The following MYH6 variants were observed in gnomAD, a reference collection of about 807,000 sequenced individuals.
MYH6 encodes myosin heavy chain 6.
MYH6 carries 126 observed loss-of-function variants against 223.2 expected under a neutral mutation model. That is an observed-to-expected ratio of 0.56 (90% CI 0.49 to 0.65). The LOEUF is 0.65. Ranked by LOEUF, MYH6 falls within the 30% of genes least tolerant of loss-of-function variation. The pLI is 0.00. For synonymous variants in MYH6, 978 were observed against 1,010.2 expected, an observed-to-expected ratio of 0.97 and a Z score of 0.61; for missense variants, 2,040 against 2,536.4, an observed-to-expected ratio of 0.80 and a Z score of 4.20.
chr14:23,391,190 C>G (rs1250419242), intron 25 of MYH6, among the ~76,000 whole-genome samples: 1 of 152,154 alleles, frequency 6.6e-6, no homozygotes, highest in South Asian at 2.1e-4. Context: ...AGGAGCAAAA[C>G]GGGGGTTCAG....
rs928679294 is a variant in MYH6, at chr14:23,407,615, C to G, written c.-46-7G>C. Reference sequence around the variant, plus strand: ...ACGGAGAATCCTGAAGAATCTGGACCGTGGGTGGAGCAAGGAACAACAGAG... The same window carrying G: ...ACGGAGAATCCTGAAGAATCTGGACGGTGGGTGGAGCAAGGAACAACAGAG... On this transcript the variant is annotated splice_region_variant and splice_polypyrimidine_tract_variant and intron_variant, in intron 1 of 38. Coordinates refer to ENST00000405093, the MANE Select transcript of MYH6 (RefSeq NM_002471.4). The surrounding 1 kb of genome is among the most constrained non-coding windows in gnomAD (Gnocchi z 5.6). The G allele has an allele frequency of 8.8e-6, 10 of 1,141,292 alleles. No homozygotes were observed. The highest frequency in any genetic ancestry group is 1.1e-5 in the Non-Finnish European group (10 of 920,700). The allele number at this position is 1,141,292 out of a possible 1,614,324, so 70.7% of individuals were successfully genotyped here. A position where few individuals can be genotyped will look rare whatever the true frequency, so the allele number is the denominator to read the frequency against.
chr14:23,389,812 C>A (rs1031974422), intron 26 of MYH6, 93 bp from the exon 27 acceptor site: 10 of 1,600,390 alleles, frequency 6.2e-6, no homozygotes, highest in African/African-American at 1.3e-5. Flanking sequence ...TGCCAGAGGG[C>A]AGGAGGGGGA....
rs1458111554 is a variant in MYH6 at position 23,393,794 on chromosome 14, T to C, written c.2800A>G (p.Met934Val). ...TTCTTGGCAGTGAGCTCCGCGTTCA[T>C]CTCCTCCTCATCCTCCAGCCTCTCA... ...MNERLEDEEEMNAELTAKKRK... is the reference protein window; with the variant it reads ...MNERLEDEEEVNAELTAKKRK... The change falls in exon 22 of 39, where the codon ATG becomes GTG. Residue 934 changes from methionine (M) to valine (V), a missense_variant. Met to Val is a conservative substitution (Grantham distance 21, BLOSUM62 1). This residue lies in a region of MYH6 where 1,203 missense variants were observed against 1,400.2 expected (regional missense o/e 0.86). Transcript: ENST00000405093. The C allele has an allele frequency of 3.1e-6, 5 of 1,614,114 alleles. No individual in the cohort carries two copies. Among genetic ancestry groups the C allele is most frequent in the Non-Finnish European group, 4.2e-6 (5 of 1,180,060 alleles).
intron 32 of MYH6, among the ~76,000 whole-genome samples, chr14:23,387,228 G>C (rs60867292): frequency 0.037 from 5,626 of 152,252 alleles, 304 homozygotes; most frequent in African/African-American, 0.12. Flanking sequence ...ACTCAGGCCT[G>C]TTTGACTCTG....
In MYH6 at chr14:23,400,635, G is replaced by A. The variant is rs1891570758; in HGVS notation, c.1410+74C>T. ...CCTTCCCATGTCTGGTCCACAGCTG[G>A]CTCTCAGCAAATGGCTGTTGAATGT... On this transcript the variant is annotated intron_variant, in intron 13 of 38. Transcript: ENST00000405093. 8 of 1,611,310 alleles carry A rather than the reference G, an allele frequency of 5.0e-6. No homozygotes were observed. In the South Asian group the frequency reaches 8.8e-5, roughly 18 times the overall value.
At position 23,386,434 on chromosome 14, in the gene MYH6, G is replaced by A; in HGVS notation, c.4840C>T (p.Leu1614=). The change falls in exon 33 of 39, where the codon CTG becomes TTG. Residue 1614 remains leucine, a synonymous_variant. Coordinates refer to ENST00000405093, the MANE Select transcript of MYH6 (RefSeq NM_002471.4). ...CCTTCCATCTTCTTCTTCACCCTCA[G>A]GACCTCGTTGCGGCTGCGTGTCTCT... ...DAETRSRNEV[L]RVKKKMEGDL... The A allele has an allele frequency of 6.2e-7, 1 of 1,614,200 alleles. No individual in the cohort carries two copies.
At chr14:23,384,046 C>T (rs1890940093) in intron 36 of MYH6, among the ~76,000 whole-genome samples, 1 of 152,148 alleles carries the variant, frequency 6.6e-6, no homozygotes, top group South Asian at 2.1e-4. Flanking sequence ...GGTCCTCTTT[C>T]TCTGTGGCCT....
intron 32 of MYH6, among the ~76,000 whole-genome samples, chr14:23,386,986 A>G (rs921874568): frequency 6.6e-6 from 1 of 152,218 alleles, no homozygotes; most frequent in African/African-American, 2.4e-5. Context: ...GAGAAAAGTT[A>G]GAAGCCCAGA....
Position 23,404,287 on chromosome 14 carries a change from G to A in MYH6, c.735+9C>T. On this transcript the variant is annotated intron_variant, in intron 8 of 38. Transcript: ENST00000405093. ...GATGAGGCCACTGGGAGTGGTCAAA[G>A]GCACTCACAAAGCGGGAGGAGTTGT... 6.2e-7 allele frequency: 1 copy of A among 1,614,138 alleles called. No homozygotes were observed. Among genetic ancestry groups the A allele is most frequent in the East Asian group, 2.2e-5 (1 of 44,886 alleles).
chr14:23,404,225 G>T, intron 8 of MYH6, 71 bp downstream of exon 8: 1 of 1,529,350 alleles, frequency 6.5e-7, no homozygotes, highest in Non-Finnish European at 9.1e-7. Context: ...TCAACTGGGT[G>T]TGGCAAAACA....
At chr14:23,385,401 T>A (rs1186549383) in intron 34 of MYH6, among the ~76,000 whole-genome samples, 1 of 150,372 alleles carries the variant, frequency 6.7e-6, no homozygotes. Flanking sequence ...ATACCAAGAA[T>A]GTAGTGGGGT....
chr14:23,389,617 G>T lies in MYH6; in HGVS notation c.3835C>A (p.Arg1279=), dbSNP rs751426149. ...QRSLNDFTTQ[R]AKLQTENGEL... is the part of the protein sequence containing the mutation. ...CCATTCTCGGTCTGCAGCTTGGCTC[G>T]CTGGGTGGTGAAATCATTGAGGGAG... The change falls in exon 27 of 39, where the codon CGA becomes AGA. Residue 1279 remains arginine (R), a synonymous_variant. Coordinates refer to ENST00000405093, the MANE Select transcript of MYH6 (RefSeq NM_002471.4). 6.2e-7 allele frequency: 1 copy of T among 1,614,186 alleles called. No individual in the cohort carries two copies. The highest frequency in any genetic ancestry group is 8.5e-7 in the Non-Finnish European group (1 of 1,180,042).
intron 36 of MYH6, among the ~76,000 whole-genome samples, chr14:23,383,660 A>T (rs1890929452): frequency 6.6e-6 from 1 of 152,236 alleles, no homozygotes; most frequent in Non-Finnish European, 1.5e-5. Flanking sequence ...ACCTGGACTT[A>T]CATAGGTTCT....
chr14:23,399,948 C>G (rs1891547696), intron 14 of MYH6: 2 of 434,418 alleles, frequency 4.6e-6, no homozygotes, highest in Admixed American at 7.0e-5. Flanking sequence ...TAATTTCAGC[C>G]TAGGATCTTT....
At chr14:23,385,334 C>A (rs1331321501) in intron 34 of MYH6, among the ~76,000 whole-genome samples, 1 of 151,386 alleles carries the variant, frequency 6.6e-6, no homozygotes, top group Non-Finnish European at 1.5e-5. Flanking sequence ...TGACAATATT[C>A]CAAGGAAGAT....
At position 23,382,415 on chromosome 14, in the gene MYH6, G is replaced by A. The variant is rs1890888072; in HGVS notation, c.5796+13C>T. The A allele has an allele frequency of 6.2e-7, 1 of 1,614,056 alleles. No homozygotes were observed. The highest frequency in any genetic ancestry group is 1.3e-5 in the African/African-American group (1 of 75,036). On this transcript the variant is annotated intron_variant, in intron 38 of 38. Transcript: ENST00000405093. ...TGTGGAAGTGACTAGTGAAGCCCAG[G>A]GGAGGGACCCACCTTGGCACCAATG...
At chr14:23,401,534 T>A (rs376399611) in intron 12 of MYH6, among the ~76,000 whole-genome samples, 8 of 152,272 alleles carry the variant, frequency 5.3e-5, no homozygotes, top group African/African-American at 1.9e-4. Context: ...GCTCTGTCTC[T>A]ACATCTGTGG....
Position 23,389,071 on chromosome 14 carries a change from G to GT in MYH6, c.3979-17_3979-16insA. ...CGTTCTTCGCCTGGGGAGGGGGGGG[G>GT]GCACCAGGAGGTGGGAGGGACTCCC... On this transcript the variant is annotated splice_polypyrimidine_tract_variant and intron_variant, in intron 28 of 38. Coordinates refer to ENST00000405093, the MANE Select transcript of MYH6 (RefSeq NM_002471.4). The GT allele has an allele frequency of 7.6e-7, 1 of 1,313,904 alleles. No individual in the cohort carries two copies. The highest frequency in any genetic ancestry group is 1.2e-5 in the South Asian group (1 of 82,348). 81.4% of individuals were successfully genotyped at this position (1,313,904 alleles called of 1,614,324 possible).
chr14:23,397,346 A>G, intron 16 of MYH6, 89 bp from the exon 17 acceptor site: 1 of 1,378,410 alleles, frequency 7.3e-7, no homozygotes, highest in Non-Finnish European at 1.0e-6. Flanking sequence ...CTCCACCAGA[A>G]TCATCAAAGG....
Sources: allele counts gnomAD v4.1 joint callset (sites outside exome capture counted in the v4.1 genomes callset), GRCh38; gene constraint gnomAD v4.1.1; regional missense constraint gnomAD v4.1.1; non-coding constraint Gnocchi (gnomAD v3.1); transcripts MANE v1.5; gene names NCBI Gene and HGNC (gene_info 2026-07-23, HGNC 2026-07-21).